FARS2: variants seen among roughly 807,000 people sequenced by gnomAD.
FARS2 encodes the protein phenylalanyl-tRNA synthetase 2, mitochondrial.
Under a neutral mutation model 46.4 loss-of-function variants are expected in FARS2, and 40 were observed. That is an observed-to-expected ratio of 0.86 (90% confidence interval 0.67 to 1.12). FARS2 has a LOEUF of 1.12. Among genes scored for constraint, FARS2 ranks in the 50% most tolerant of loss-of-function variants. The pLI is 0.00. For missense variants in FARS2, 513 were observed against 567.9 expected (o/e 0.90, Z 0.98); for synonymous variants, 234 against 214.9 (o/e 1.09, Z -0.78).
intron 6 of FARS2, among the ~76,000 whole-genome samples, chr6:5,636,838 A>C (rs1447731058): frequency 6.6e-6 from 1 of 152,154 alleles, no homozygotes; most frequent in Non-Finnish European, 1.5e-5. Flanking sequence ...CATTAGCCTA[A>C]GTGTCCACCT....
intron 4 of FARS2, among the ~76,000 whole-genome samples, chr6:5,476,672 G>A (rs777459883): frequency 3.3e-5 from 5 of 152,144 alleles, no homozygotes; most frequent in African/African-American, 1.2e-4. Context: ...ATGGAAGGCC[G>A]TTGCCATGCC....
intron 4 of FARS2, among the ~76,000 whole-genome samples, chr6:5,527,515 C>T (rs1466019457): frequency 6.6e-6 from 1 of 152,196 alleles, no homozygotes; most frequent in Non-Finnish European, 1.5e-5. Context: ...ACACTCACAA[C>T]TCTGTACAAT....
At chr6:5,566,233 G>T (rs997327290) in intron 5 of FARS2, among the ~76,000 whole-genome samples, 1 of 152,054 alleles carries the variant, frequency 6.6e-6, no homozygotes, top group African/African-American at 2.4e-5. Flanking sequence ...TCTCTCAGTC[G>T]GGAGTGGGGA....
chr6:5,364,852 C>T (rs1460963775), intron 1 of FARS2, among the ~76,000 whole-genome samples: 6 of 151,974 alleles, frequency 3.9e-5, no homozygotes, highest in African/African-American at 1.2e-4. Context: ...GGCAATGTGG[C>T]GAAACCTCAT....
intron 1 of FARS2, among the ~76,000 whole-genome samples, chr6:5,266,909 T>A (rs1009353324): frequency 6.6e-6 from 1 of 152,204 alleles, no homozygotes; most frequent in Non-Finnish European, 1.5e-5. Flanking sequence ...TATGTGTGTA[T>A]GTGAGACATT....
At position 5,393,479 on chromosome 6, in the gene FARS2, AC is replaced by A. The variant is rs1760707616; in HGVS notation, c.613-11059del. 2.6e-5 allele frequency among the ~76,000 whole-genome samples: 4 copies of A among 151,558 alleles called. No homozygotes were observed. The South Asian group carries it at 8.4e-4, about 32-fold the overall frequency. Reference sequence around the variant, plus strand: ...AGACCATCCTGGCCAACATGGTGAAACCCCGTCTCTACTAAAAATACAAAAA... The same window carrying A: ...AGACCATCCTGGCCAACATGGTGAAACCCGTCTCTACTAAAAATACAAAAA... On this transcript the variant is annotated intron_variant, in intron 2 of 6. Coordinates refer to ENST00000274680, the MANE Select transcript of FARS2 (RefSeq NM_006567.5).
chr6:5,617,464 A>T (rs1273228017), intron 6 of FARS2, among the ~76,000 whole-genome samples: 1 of 152,226 alleles, frequency 6.6e-6, no homozygotes, highest in African/African-American at 2.4e-5. Context: ...TTATCTCTCA[A>T]TATCCAATTC....
intron 4 of FARS2, among the ~76,000 whole-genome samples, chr6:5,531,380 C>T (rs1010180268): frequency 2.0e-5 from 3 of 152,304 alleles, no homozygotes; most frequent in East Asian, 1.9e-4. Context: ...CTCATTAGCA[C>T]GTGCTTCAGA....
chr6:5,623,330 A>G (rs865929918), intron 6 of FARS2, among the ~76,000 whole-genome samples: 5 of 152,354 alleles, frequency 3.3e-5, no homozygotes, highest in Middle Eastern at 6.8e-3. Flanking sequence ...TGGGATAATG[A>G]AGGGAAACAG....
intron 4 of FARS2, among the ~76,000 whole-genome samples, chr6:5,467,280 T>G (rs1765564598): frequency 6.6e-6 from 1 of 152,190 alleles, no homozygotes; most frequent in Non-Finnish European, 1.5e-5. Context: ...ATTTTAAGGT[T>G]TCAGTAACAA....
chr6:5,319,337 T>C (rs1769800018), intron 1 of FARS2, among the ~76,000 whole-genome samples: 1 of 152,090 alleles, frequency 6.6e-6, no homozygotes, highest in African/African-American at 2.4e-5. Flanking sequence ...GTTTAACTGG[T>C]ATATAGCCTT....
At chr6:5,313,697 A>G (rs1769251719) in intron 1 of FARS2, among the ~76,000 whole-genome samples, 1 of 152,150 alleles carries the variant, frequency 6.6e-6, no homozygotes, top group African/African-American at 2.4e-5. Context: ...AAAGCATAAG[A>G]AAGTATTGAA....
At chr6:5,658,939 C>T (rs948016561) in intron 6 of FARS2, among the ~76,000 whole-genome samples, 13 of 152,362 alleles carry the variant, frequency 8.5e-5, no homozygotes, top group South Asian at 2.1e-4. Flanking sequence ...AGCTGCCAGG[C>T]GCCCCAACAC....
chr6:5,468,028 T>C (rs758838074), intron 4 of FARS2, among the ~76,000 whole-genome samples: 4 of 152,198 alleles, frequency 2.6e-5, no homozygotes, highest in African/African-American at 7.2e-5. Context: ...TAAAAACTTA[T>C]AGCCACCAAA....
intron 6 of FARS2, among the ~76,000 whole-genome samples, chr6:5,712,026 T>C (rs1475684500): frequency 6.6e-6 from 1 of 152,178 alleles, no homozygotes; most frequent in Non-Finnish European, 1.5e-5. Flanking sequence ...AAAAAGTTTA[T>C]TAAAAAGTAA....
intron 4 of FARS2, among the ~76,000 whole-genome samples, chr6:5,467,661 A>G (rs907824753): frequency 6.6e-6 from 1 of 152,174 alleles, no homozygotes; most frequent in African/African-American, 2.4e-5. Context: ...CTGTGGATAA[A>G]TGTTAGTTTG....
In FARS2 at chr6:5,744,901, T is replaced by C. The variant is rs186021680; in HGVS notation, c.1218-26390T>C. On this transcript the variant is annotated intron_variant, in intron 6 of 6. Transcript: ENST00000274680. ...AACAATTATAAAAATAATGCCCGAA[T>C]CAAGAGCTGTTTGGATTTGGCAATT... Among the ~76,000 whole-genome samples, 9 of 152,292 alleles carry C rather than the reference T, an allele frequency of 5.9e-5. No individual in the cohort carries two copies. In the East Asian group the frequency reaches 1.7e-3, roughly 29 times the overall value.
At chr6:5,384,637 T>C (rs1581946457) in intron 2 of FARS2, among the ~76,000 whole-genome samples, 1 of 152,178 alleles carries the variant, frequency 6.6e-6, no homozygotes, top group Non-Finnish European at 1.5e-5. Flanking sequence ...ACAGGCCATG[T>C]TGGCCAGCGA....
At chr6:5,351,899 C>G (rs987981889) in intron 1 of FARS2, among the ~76,000 whole-genome samples, 8 of 152,170 alleles carry the variant, frequency 5.3e-5, no homozygotes, top group Admixed American at 4.6e-4. Context: ...GTTTCTTGTT[C>G]TGCCGTATTG....
Sources: allele counts gnomAD v4.1 joint callset (sites outside exome capture counted in the v4.1 genomes callset), GRCh38; gene constraint gnomAD v4.1.1; transcripts MANE v1.5; gene names NCBI Gene and HGNC (gene_info 2026-07-23, HGNC 2026-07-21).